TSPAN9: variants seen among roughly 807,000 people sequenced by gnomAD.
TSPAN9 encodes tetraspanin-9.
A neutral mutation model predicts 31.0 loss-of-function variants in TSPAN9; 16 were observed. The ratio of observed to expected loss-of-function variants is 0.52; its 90% CI spans 0.35 to 0.78. TSPAN9 has a LOEUF of 0.78. Ranked by LOEUF, TSPAN9 falls within the 30% of genes least tolerant of loss-of-function variation. The pLI is 0.01. For synonymous variants in TSPAN9, 145 were observed against 121.6 expected (o/e 1.19, Z -1.27); for missense variants, 272 against 312.5 (o/e 0.87, Z 0.98).
intron 2 of TSPAN9, among the ~76,000 whole-genome samples, chr12:3,181,078 G>A (rs1261194443): frequency 1.3e-5 from 2 of 151,508 alleles, no homozygotes; most frequent in African/African-American, 2.4e-5. Flanking sequence ...TGGGGGGGAT[G>A]TTTGCTTGGG....
chr12:3,182,734 T>C (rs2098359113), intron 2 of TSPAN9, among the ~76,000 whole-genome samples: 1 of 152,034 alleles, frequency 6.6e-6, no homozygotes, highest in South Asian at 2.1e-4. Context: ...TGGGAGGAAG[T>C]TGTGTGTTGG....
rs541305276 is a variant in TSPAN9, at chr12:3,137,612, C to G, written c.-18+53893C>G. Among the ~76,000 whole-genome samples the G allele has an allele frequency of 8.5e-5, 13 of 152,236 alleles. No homozygotes were observed. In the East Asian group the frequency reaches 2.5e-3, roughly 29 times the overall value. ...CAGCCAGATGGAGGAGGGCTCTATC[C>G]CAGGCTCCAACATCCTGCTTGGCTC... is the stretch of plus-strand genomic sequence containing the variant. On this transcript the variant is annotated intron_variant, in intron 2 of 8. Coordinates refer to ENST00000011898, the MANE Select transcript of TSPAN9 (RefSeq NM_006675.5).
chr12:3,098,745 T>TC (rs1025822455), intron 2 of TSPAN9, among the ~76,000 whole-genome samples: 5 of 150,714 alleles, frequency 3.3e-5, no homozygotes, highest in East Asian at 1.9e-4. Context: ...TTTTTTTTTT[T>TC]CTCTCTCTCT....
intron 8 of TSPAN9, among the ~76,000 whole-genome samples, chr12:3,282,458 G>A (rs555272271): frequency 6.6e-6 from 1 of 152,022 alleles, no homozygotes; most frequent in South Asian, 2.1e-4. Flanking sequence ...CGGTGGCGCC[G>A]TCATAGCTCG....
intron 3 of TSPAN9, among the ~76,000 whole-genome samples, chr12:3,224,814 C>G (rs895150981): frequency 6.6e-6 from 1 of 152,234 alleles, no homozygotes; most frequent in African/African-American, 2.4e-5. Context: ...TTCGCTTCAG[C>G]AGTGCTCTTC....
At chr12:3,211,815 C>T in intron 3 of TSPAN9, 2 of 1,594,350 alleles carry the variant, frequency 1.3e-6, no homozygotes, top group Non-Finnish European at 1.7e-6. Context: ...GGGCATTTCA[C>T]ATCCATGAAG....
At chr12:3,255,645 G>A (rs886744891) in intron 3 of TSPAN9, among the ~76,000 whole-genome samples, 1 of 152,206 alleles carries the variant, frequency 6.6e-6, no homozygotes, top group Non-Finnish European at 1.5e-5. Context: ...AGGGTAATTG[G>A]TTTTTAGAAA....
In TSPAN9 at chr12:3,249,049, C is replaced by T. The variant is rs147403055; in HGVS notation, c.64-29372C>T. 6.3e-3 allele frequency among the ~76,000 whole-genome samples: 963 copies of T among 152,360 alleles called. 11 individuals are homozygous for T. Among genetic ancestry groups the T allele is most frequent in the African/African-American group, 0.021 (889 of 41,582 alleles). ...ACTTTGCCCAGTCACTCGGTTGTTC[C>T]CTGATCTCCCTGTCCCTAGTTCCTC... On this transcript the variant is annotated intron_variant, in intron 3 of 8. Coordinates refer to ENST00000011898, the MANE Select transcript of TSPAN9 (RefSeq NM_006675.5).
At chr12:3,110,128 G>T (rs900808182) in intron 2 of TSPAN9, among the ~76,000 whole-genome samples, 17 of 152,080 alleles carry the variant, frequency 1.1e-4, no homozygotes, top group African/African-American at 4.1e-4. Context: ...ACCGGGAGTG[G>T]GCTTTTTCTG....
Position 3,117,673 on chromosome 12 carries a change from T to G in TSPAN9, c.-18+33954T>G, listed in dbSNP as rs1426186784. 2.0e-5 allele frequency among the ~76,000 whole-genome samples: 3 copies of G among 152,206 alleles called. No individual in the cohort carries two copies. In the East Asian group the frequency reaches 5.8e-4, roughly 29 times the overall value. ...ATCCCTAATTTCTTTGTAATTGTGC[T>G]CCAGGCTGATTTACATAACTTTATT... On this transcript the variant is annotated intron_variant, in intron 2 of 8. Coordinates refer to ENST00000011898, the MANE Select transcript of TSPAN9 (RefSeq NM_006675.5).
chr12:3,179,285 C>T (rs1276665824), intron 2 of TSPAN9, among the ~76,000 whole-genome samples: 1 of 152,172 alleles, frequency 6.6e-6, no homozygotes, highest in African/African-American at 2.4e-5. Context: ...ACACTCACCC[C>T]ACTCTGACTC....
At chr12:3,180,705 C>G (rs1229168384) in intron 2 of TSPAN9, among the ~76,000 whole-genome samples, 1 of 152,116 alleles carries the variant, frequency 6.6e-6, no homozygotes, top group Non-Finnish European at 1.5e-5. Context: ...GTCCATGTTT[C>G]CAGAGTAAGT....
At position 3,281,314 on chromosome 12, in the gene TSPAN9, G is replaced by T; in HGVS notation, c.549G>T (p.Thr183=). 2 of 1,550,656 alleles carry T rather than the reference G, an allele frequency of 1.3e-6. No homozygotes were observed. Among genetic ancestry groups the T allele is most frequent in the Non-Finnish European group, 1.7e-6 (2 of 1,146,674 alleles). ...AGGGCTGCGGGCGCAACGCCACCAC[G>T]CCTTTGTGGAGAACGGTGAGGCTGG... ...NSQGCGRNAT[T]PLWRTGCYEK... Residue 183 remains threonine, a synonymous_variant, in exon 7 of 9, where the codon ACG becomes ACT. Transcript: ENST00000011898.
At chr12:3,206,257 C>G in intron 3 of TSPAN9, 1 of 452,528 alleles carries the variant, frequency 2.2e-6, no homozygotes, top group Non-Finnish European at 4.5e-6. Context: ...CAGCTATTTA[C>G]TGAATGCCCA....
In TSPAN9 at chr12:3,187,629, C is replaced by T. The variant is rs2098362080; in HGVS notation, c.-17-13548C>T. ...GGAGACAACTTCCCTGCTTATCTTG[C>T]AGGGGTGGGTGAGGGCCAGATGTGA... On this transcript the variant is annotated intron_variant, in intron 2 of 8. Transcript: ENST00000011898. The surrounding 1 kb of genome is among the most constrained non-coding windows in gnomAD (Gnocchi z 5.2). Among the ~76,000 whole-genome samples the T allele has an allele frequency of 6.6e-6, 1 of 152,140 alleles. No individual in the cohort carries two copies. The highest frequency in any genetic ancestry group is 6.5e-5 in the Admixed American group (1 of 15,274).
chr12:3,170,746 A>AGC lies in TSPAN9; in HGVS notation c.-17-30429_-17-30428dup, dbSNP rs2098351313. 6.6e-6 allele frequency among the ~76,000 whole-genome samples: 1 copy of AGC among 152,160 alleles called. No homozygotes were observed. Among genetic ancestry groups the AGC allele is most frequent in the South Asian group, 2.1e-4 (1 of 4,816 alleles). On this transcript the variant is annotated intron_variant, in intron 2 of 8. Coordinates refer to ENST00000011898, the MANE Select transcript of TSPAN9 (RefSeq NM_006675.5). The surrounding 1 kb of genome is among the most constrained non-coding windows in gnomAD (Gnocchi z 4.4). ...AGTTGGGGAGGATGGCAGGAGGTAGAGCGGAAGGACCTGCACAGCTGTGGC... is the reference window on the plus strand; with the variant it reads ...AGTTGGGGAGGATGGCAGGAGGTAGAGCGCGGAAGGACCTGCACAGCTGTGGC...
chr12:3,220,986 C>T (rs1021900480), intron 3 of TSPAN9, among the ~76,000 whole-genome samples: 4 of 152,164 alleles, frequency 2.6e-5, no homozygotes, highest in African/African-American at 9.7e-5. Flanking sequence ...CCTTTTATGG[C>T]TCGGTGACTG....
At chr12:3,146,195 CAG>C (rs1156354725) in intron 2 of TSPAN9, among the ~76,000 whole-genome samples, 1 of 152,184 alleles carries the variant, frequency 6.6e-6, no homozygotes, top group Non-Finnish European at 1.5e-5. Context: ...CCGTGGCCAT[CAG>C]GGGAGTGGTG....
chr12:3,251,234 T>G (rs1862238993), intron 3 of TSPAN9, among the ~76,000 whole-genome samples: 1 of 152,188 alleles, frequency 6.6e-6, no homozygotes, highest in African/African-American at 2.4e-5. Flanking sequence ...ACCTCCTCCA[T>G]GACTAAGCAT....
Sources: gnomAD v4.1 joint callset for allele counts (sites outside exome capture counted in the v4.1 genomes callset) on GRCh38, gnomAD v4.1.1 for gene constraint, Gnocchi (gnomAD v3.1) non-coding constraint, MANE v1.5 for transcripts, NCBI Gene and HGNC (gene_info 2026-07-23, HGNC 2026-07-21) for gene names.